Variants in PUS10 observed in about 807,000 individuals in gnomAD.
The protein encoded by PUS10 is pseudouridine synthase 10.
Under a neutral mutation model 75.0 loss-of-function variants are expected in PUS10, and 59 were observed. The observed-to-expected ratio is 0.79, with a 90% CI of 0.64 to 0.98. PUS10 has a LOEUF of 0.98. Ranked by LOEUF, PUS10 falls within the 50% of genes least tolerant of loss-of-function variation. The pLI is 0.00. For synonymous variants in PUS10, 219 were observed against 211.6 expected (o/e 1.03, Z -0.30); for missense variants, 650 against 614.4 (o/e 1.06, Z -0.61).
At chr2:60,985,927 C>T (rs2104525011) in intron 4 of PUS10, among the ~76,000 whole-genome samples, 1 of 108,298 alleles carries the variant, frequency 9.2e-6, no homozygotes, top group African/African-American at 4.1e-5. Context: ...ATAGGAGAAA[C>T]CAGACTTCAC....
At chr2:61,003,298 C>A (rs543890097) in intron 4 of PUS10, among the ~76,000 whole-genome samples, 38 of 152,042 alleles carry the variant, frequency 2.5e-4, no homozygotes, top group African/African-American at 7.5e-4. Flanking sequence ...CGCGTCTCTA[C>A]TAAAAATACA....
intron 4 of PUS10, among the ~76,000 whole-genome samples, chr2:60,981,694 G>A (rs111861495): frequency 0.011 from 1,730 of 152,246 alleles, 34 homozygotes; most frequent in African/African-American, 0.039. Context: ...ATAATTTAGT[G>A]AGAAAACTGA....
chr2:61,018,046 G>A lies in PUS10; in HGVS notation c.-54C>T. ...AGTGTCTCACAGCTGTTTCTGACCC[G>A]GCAGCTCTAATCAGCAACGTTTTTT... On this transcript the variant is annotated 5_prime_UTR_variant, in exon 1 of 18. Transcript: ENST00000316752. The A allele has an allele frequency of 6.9e-7, 1 of 1,458,982 alleles. No individual in the cohort carries two copies. 90.4% of individuals were successfully genotyped at this position (1,458,982 alleles called of 1,614,324 possible).
intron 2 of PUS10, among the ~76,000 whole-genome samples, chr2:61,009,631 C>G (rs1179647508): frequency 6.6e-6 from 1 of 152,086 alleles, no homozygotes; most frequent in Non-Finnish European, 1.5e-5. Context: ...TTCCAGTTTG[C>G]CTAATTTGTC....
chr2:60,994,580 T>C (rs533756662), intron 4 of PUS10, among the ~76,000 whole-genome samples: 33 of 152,364 alleles, frequency 2.2e-4, no homozygotes, highest in African/African-American at 7.7e-4. Context: ...TCCAGAGTTA[T>C]CATTTTAGAG....
At chr2:60,949,072 C>CA (rs1675174322) in intron 15 of PUS10, among the ~76,000 whole-genome samples, 1 of 152,104 alleles carries the variant, frequency 6.6e-6, no homozygotes, top group Admixed American at 6.6e-5. Flanking sequence ...CAAGTTCTGA[C>CA]AAAGACCGCA....
rs1313212062 is a variant in PUS10, at chr2:60,940,915, C to G, written c.*1480G>C. 1 of 152,266 alleles carries G rather than the reference C, an allele frequency of 6.6e-6. No homozygotes were observed. Among genetic ancestry groups the G allele is most frequent in the Non-Finnish European group, 1.5e-5 (1 of 68,002 alleles). 9.4% of individuals were successfully genotyped at this position (152,266 alleles called of 1,614,324 possible). On this transcript the variant is annotated 3_prime_UTR_variant, in exon 18 of 18. Transcript: ENST00000316752. ...TTGCATATCAAACACATGGTTTCAA[C>G]GTGGTATGAAACTATGTTGGTTCCA...
At chr2:61,016,496 G>C (rs1679986419) in intron 1 of PUS10, among the ~76,000 whole-genome samples, 2 of 152,170 alleles carry the variant, frequency 1.3e-5, no homozygotes, top group Non-Finnish European at 2.9e-5. Context: ...CAAGCCCTGA[G>C]AAAGGCATTC....
intron 1 of PUS10, among the ~76,000 whole-genome samples, chr2:61,014,522 G>A (rs1185158560): frequency 6.7e-6 from 1 of 149,714 alleles, no homozygotes; most frequent in Non-Finnish European, 1.5e-5. Context: ...AGAGAATGAA[G>A]GCAAATCTGT....
At chr2:61,006,897 C>T (rs1210056013) in intron 3 of PUS10, among the ~76,000 whole-genome samples, 1 of 152,152 alleles carries the variant, frequency 6.6e-6, no homozygotes, top group Non-Finnish European at 1.5e-5. Context: ...GTCAAAATAG[C>T]TTTCTATTAG....
In PUS10 at chr2:61,018,051, C is replaced by T. The variant is rs539059751; in HGVS notation, c.-59G>A. 4.7e-6 allele frequency: 7 copies of T among 1,476,050 alleles called. No homozygotes were observed. The East Asian group carries it at 1.2e-4, about 26-fold the overall frequency. The allele number at this position is 1,476,050 out of a possible 1,614,324, so 91.4% of individuals were successfully genotyped here. ...CTCACAGCTGTTTCTGACCCGGCAG[C>T]TCTAATCAGCAACGTTTTTTTCGGG... On this transcript the variant is annotated 5_prime_UTR_variant, in exon 1 of 18. Coordinates refer to ENST00000316752, the MANE Select transcript of PUS10 (RefSeq NM_144709.4).
chr2:60,988,205 A>AT (rs1677844573), intron 4 of PUS10, among the ~76,000 whole-genome samples: 1 of 152,224 alleles, frequency 6.6e-6, no homozygotes, highest in African/African-American at 2.4e-5. Context: ...CCAGTAATGA[A>AT]TTTTTTCTAC....
intron 4 of PUS10, among the ~76,000 whole-genome samples, chr2:60,974,833 G>A (rs957499105): frequency 2.6e-5 from 4 of 152,210 alleles, no homozygotes; most frequent in African/African-American, 4.8e-5. Context: ...GCTGCTCCAC[G>A]CCTGGCTTGC....
chr2:60,985,171 TATCAA>T (rs1677639910), intron 4 of PUS10, among the ~76,000 whole-genome samples: 1 of 152,206 alleles, frequency 6.6e-6, no homozygotes, highest in African/African-American at 2.4e-5. Context: ...CTCAATTTAT[TATCAA>T]ATCAATTTAC....
chr2:61,017,937 G>T, intron 1 of PUS10, 71 bp downstream of exon 1: 3 of 1,412,594 alleles, frequency 2.1e-6, no homozygotes, highest in Non-Finnish European at 2.9e-6. Context: ...GTTAGTGGAG[G>T]TATTCCCTTC....
At chr2:60,970,945 C>T (rs1326589862) in intron 5 of PUS10, among the ~76,000 whole-genome samples, 5 of 151,968 alleles carry the variant, frequency 3.3e-5, no homozygotes, top group East Asian at 1.9e-4. Context: ...TTTGGGAGGC[C>T]GAGGCGGGTG....
At chr2:61,016,447 G>C (rs758387046) in intron 1 of PUS10, among the ~76,000 whole-genome samples, 7 of 152,210 alleles carry the variant, frequency 4.6e-5, no homozygotes, top group Non-Finnish European at 8.8e-5. Context: ...TAAGATATTA[G>C]AAATCGGTTG....
chr2:61,005,435 G>A (rs1271394074), intron 4 of PUS10, among the ~76,000 whole-genome samples: 1 of 152,180 alleles, frequency 6.6e-6, no homozygotes, highest in East Asian at 1.9e-4. Flanking sequence ...CTGAGGGTTA[G>A]GGAAATATAT....
rs369738950 is a variant in PUS10, at chr2:60,953,063, G to A, written c.1242C>T (p.Tyr414=). The A allele has an allele frequency of 3.7e-5, 60 of 1,609,194 alleles. No individual in the cohort carries two copies. Among genetic ancestry groups the A allele is most frequent in the Non-Finnish European group, 4.8e-5 (56 of 1,175,674 alleles). The part of the protein sequence containing the change: ...KEGEEEKTKT[Y]SALIWTNKAI... ...CTTTATTTGTCCAAATTAAGGCACT[G>A]TAGGTCTTTGTCTTTTCTTCTTCAC... Residue 414 remains tyrosine, a synonymous_variant, in exon 15 of 18, where the codon TAC becomes TAT. Transcript: ENST00000316752.
Sources: gnomAD v4.1 joint callset for allele counts (sites outside exome capture counted in the v4.1 genomes callset) on GRCh38, gnomAD v4.1.1 for gene constraint, MANE v1.5 for transcripts, NCBI Gene and HGNC (gene_info 2026-07-23, HGNC 2026-07-21) for gene names.